The following SCML2 variants were observed in gnomAD, a reference collection of about 807,000 sequenced individuals.
SCML2 encodes the protein sex comb on midleg-like protein 2.
Under a neutral mutation model 48.4 loss-of-function variants are expected in SCML2, and 6 were observed. That is an observed-to-expected ratio of 0.12 (90% CI 0.07 to 0.24). The LOEUF (loss-of-function observed/expected upper bound fraction) is 0.24, where lower values mean the gene tolerates loss of function less well. Among genes scored for constraint, SCML2 ranks in the 10% least tolerant of loss-of-function variants. The probability of loss-of-function intolerance (pLI) is 1.00; values close to 1 mark genes in which losing one functional copy is unlikely to be tolerated. For missense variants in SCML2, 377 were observed against 528.2 expected (o/e 0.71, Z 2.81); for synonymous variants, 181 against 189.5 (o/e 0.95, Z 0.37).
intron 7 of SCML2, among the ~76,000 whole-genome samples, chrX:18,277,713 T>C (rs780951239): frequency 1.8e-5 from 2 of 112,082 alleles, no homozygotes; most frequent in Admixed American, 1.9e-4. Context: ...TGGTTAAATA[T>C]GTTTTTCACG....
At chrX:18,349,691 G>T (rs1455680055) in intron 1 of SCML2, among the ~76,000 whole-genome samples, 1 of 111,781 alleles carries the variant, frequency 8.9e-6, no homozygotes, top group South Asian at 3.7e-4. Context: ...CAGCTCCCCA[G>T]GAGGCTGAGG....
At chrX:18,325,034 G>A (rs749614878) in intron 3 of SCML2, 57 bp from the exon 4 acceptor site, 93 of 785,776 alleles carry the variant, frequency 1.2e-4, no homozygotes, top group Non-Finnish European at 1.7e-4. Flanking sequence ...GTAACTTTTA[G>A]TATATACAAC....
rs139358528 is a variant in SCML2 at position 18,246,243 on chromosome X, G to A, written c.1822+334C>T. ...GAAGAAAAGTGTACAACAGAAAGGA[G>A]AGGGACTGTCTTTCCAGGCCTCAGA... On this transcript the variant is annotated intron_variant, in intron 13 of 14. Coordinates refer to ENST00000251900, the MANE Select transcript of SCML2 (RefSeq NM_006089.3). Among the ~76,000 whole-genome samples the A allele has an allele frequency of 5.6e-3, 631 of 112,401 alleles. 8 individuals carry two copies. Among genetic ancestry groups the A allele is most frequent in the African/African-American group, 0.02 (615 of 30,958 alleles).
intron 13 of SCML2, among the ~76,000 whole-genome samples, chrX:18,245,543 G>A (rs1274137329): frequency 8.9e-6 from 1 of 111,886 alleles, no homozygotes; most frequent in Non-Finnish European, 1.9e-5. Context: ...TGCACAGTGT[G>A]GTTGCCCATA....
chrX:18,291,377 T>C (rs1928229008), intron 7 of SCML2, among the ~76,000 whole-genome samples: 1 of 112,215 alleles, frequency 8.9e-6, no homozygotes, highest in Non-Finnish European at 1.9e-5. Flanking sequence ...CTCAGTGATT[T>C]TTTTCTACCA....
At chrX:18,284,136 G>A (rs747223375) in intron 7 of SCML2, among the ~76,000 whole-genome samples, 2 of 111,690 alleles carry the variant, frequency 1.8e-5, no homozygotes, top group African/African-American at 6.5e-5. Flanking sequence ...CTGATCTTGT[G>A]CAAGACCAAC....
intron 7 of SCML2, among the ~76,000 whole-genome samples, chrX:18,280,249 T>C (rs745720414): frequency 1.5e-4 from 17 of 111,645 alleles, no homozygotes; most frequent in African/African-American, 5.5e-4. Context: ...AAGAATCTCA[T>C]ATGCCACCAA....
In SCML2 at chrX:18,330,055, G is replaced by A. The variant is rs751800303; in HGVS notation, c.91+532C>T. On this transcript the variant is annotated intron_variant, in intron 3 of 14. Transcript: ENST00000251900. Reference sequence around the variant, plus strand: ...ATCACACCACTGCACTCCAGCCTGGGTGACACAGCGAGACTCTGTCTCAAA... The same window carrying A: ...ATCACACCACTGCACTCCAGCCTGGATGACACAGCGAGACTCTGTCTCAAA... 1.2e-4 allele frequency among the ~76,000 whole-genome samples: 14 copies of A among 112,054 alleles called. No individual in the cohort carries two copies. The East Asian group carries it at 1.4e-3, about 11-fold the overall frequency.
intron 8 of SCML2, among the ~76,000 whole-genome samples, chrX:18,264,431 T>TTGTGTGTG (rs149069692): frequency 1.3e-3 from 107 of 83,920 alleles, no homozygotes; most frequent in South Asian, 4.4e-3. Context: ...ATCAGTACGA[T>TTGTGTGTG]TGTGTGTGTG....
chrX:18,259,001 C>T (rs963705239), intron 9 of SCML2, among the ~76,000 whole-genome samples: 3 of 111,305 alleles, frequency 2.7e-5, no homozygotes, highest in African/African-American at 6.5e-5. Flanking sequence ...CAGTTGGTCA[C>T]GCCTGTAATC....
chrX:18,243,116 C>T (rs1159963564), intron 13 of SCML2, among the ~76,000 whole-genome samples: 1 of 111,723 alleles, frequency 9.0e-6, no homozygotes, highest in East Asian at 2.8e-4. Flanking sequence ...CTCTGTTACC[C>T]AGGCTGGAGT....
Position 18,330,660 on chromosome X carries a change from TA to T in SCML2, c.23-6del, listed in dbSNP as rs1198971987. 1 of 1,117,083 alleles carries T rather than the reference TA, an allele frequency of 9.0e-7. No individual in the cohort carries two copies. Among genetic ancestry groups the T allele is most frequent in the Non-Finnish European group, 1.2e-6 (1 of 822,896 alleles). The allele number at this position is 1,117,083 out of a possible 1,213,427, so 92.1% of individuals were successfully genotyped here. On this transcript the variant is annotated splice_polypyrimidine_tract_variant and splice_region_variant and intron_variant, in intron 2 of 14. Transcript: ENST00000251900. ...CCTTCTTGACATCCATGGAATCTAA[TA>T]AAAAAGAAAATAGCAATACTGGGAG...
At chrX:18,318,709 T>C (rs1421938169) in intron 6 of SCML2, among the ~76,000 whole-genome samples, 1 of 112,349 alleles carries the variant, frequency 8.9e-6, no homozygotes, top group Non-Finnish European at 1.9e-5. Context: ...GAAGCTTCAC[T>C]TCTGAATGCA....
chrX:18,338,846 C>T (rs1413641433), intron 1 of SCML2, among the ~76,000 whole-genome samples: 1 of 105,803 alleles, frequency 9.5e-6, no homozygotes, highest in Non-Finnish European at 1.9e-5. Context: ...CCTGGGAAGT[C>T]GAGGCTGCAG....
Position 18,256,942 on chromosome X carries a change from G to A in SCML2, c.1362C>T (p.His454=). The A allele has an allele frequency of 8.3e-7, 1 of 1,208,283 alleles. No individual in the cohort carries two copies. The highest frequency in any genetic ancestry group is 2.2e-5 in the Admixed American group (1 of 45,786). The change falls in exon 11 of 15, where the codon CAC becomes CAT. Residue 454 remains histidine, a synonymous_variant. Transcript: ENST00000251900. The part of the protein sequence containing the change: ...FALRFLENFC[H]SLQCDNLLSS... ...TCAAAAGGTTATCACACTGCAGACT[G>A]TGGCAGAAGTTCTCAAGAAAGCGAA...
At chrX:18,282,137 A>C (rs1927881618) in intron 7 of SCML2, among the ~76,000 whole-genome samples, 1 of 111,102 alleles carries the variant, frequency 9.0e-6, no homozygotes, top group South Asian at 3.8e-4. Context: ...AAAAACAAAA[A>C]CAAAACTGAG....
At chrX:18,308,599 C>T (rs758599340) in intron 6 of SCML2, among the ~76,000 whole-genome samples, 4 of 110,744 alleles carry the variant, frequency 3.6e-5, no homozygotes, top group Non-Finnish European at 5.7e-5. Context: ...CATCTCACCC[C>T]GGTTAGAATG....
chrX:18,284,436 C>T (rs933526139), intron 7 of SCML2, among the ~76,000 whole-genome samples: 2 of 112,077 alleles, frequency 1.8e-5, no homozygotes, highest in African/African-American at 6.5e-5. Context: ...GGAGCTTCTG[C>T]ACAGCCAAAG....
chrX:18,274,695 C>G (rs1161898786), intron 7 of SCML2, among the ~76,000 whole-genome samples: 2 of 111,328 alleles, frequency 1.8e-5, no homozygotes, highest in Non-Finnish European at 3.8e-5. Flanking sequence ...CCATAATCAT[C>G]TGTGTAAACC....
Sources: gnomAD v4.1 joint callset for allele counts (sites outside exome capture counted in the v4.1 genomes callset) on GRCh38, gnomAD v4.1.1 for gene constraint, MANE v1.5 for transcripts, NCBI Gene and HGNC (gene_info 2026-07-23, HGNC 2026-07-21) for gene names.